SLC16A12: variants seen among roughly 807,000 people sequenced by gnomAD.
SLC16A12 encodes solute carrier family 16 member 12.
A neutral mutation model predicts 42.4 loss-of-function variants in SLC16A12; 17 were observed. That is an observed-to-expected ratio of 0.40 (90% CI 0.27 to 0.60). The LOEUF is 0.60. Ranked by LOEUF, SLC16A12 falls within the 20% of genes least tolerant of loss-of-function variation. The probability of loss-of-function intolerance (pLI) is 0.42; values close to 1 mark genes in which losing one functional copy is unlikely to be tolerated. For synonymous variants in SLC16A12, 224 were observed against 229.4 expected, an observed-to-expected ratio of 0.98 and a Z score of 0.21; for missense variants, 544 against 623.0, an observed-to-expected ratio of 0.87 and a Z score of 1.35.
intron 2 of SLC16A12, among the ~76,000 whole-genome samples, chr10:89,542,194 A>G (rs1047012557): frequency 6.6e-6 from 1 of 152,222 alleles, no homozygotes; most frequent in Admixed American, 6.5e-5. Context: ...TTTTACAAAA[A>G]TATTCAATTT....
Position 89,554,145 on chromosome 10 carries a change from A to T in SLC16A12, c.-47+1737T>A, listed in dbSNP as rs113643892. Among the ~76,000 whole-genome samples, 14 of 136,060 alleles carry T rather than the reference A, an allele frequency of 1.0e-4. 1 individual carries two copies. The highest frequency in any genetic ancestry group is 4.1e-4 in the African/African-American group (11 of 26,782). The allele number at this position is 136,060 out of a possible 152,430, so 89.3% of individuals were successfully genotyped here. ...GAAGGAAGGAAGGAAGGAAGGAAGG[A>T]AAGAAAGAAAGAAAATGGGAAAGTT... On this transcript the variant is annotated intron_variant, in intron 2 of 2. Coordinates refer to the SLC16A12 transcript ENST00000475682.
intron 2 of SLC16A12, among the ~76,000 whole-genome samples, chr10:89,521,605 T>C (rs1381588239): frequency 6.6e-6 from 1 of 152,124 alleles, no homozygotes; most frequent in East Asian, 1.9e-4. Context: ...CCACATGTCA[T>C]AACAAAGCTC....
rs1314232737 is a variant in SLC16A12, at chr10:89,435,909, TG to T, written c.1288+150del. ...TAAAACAAGGATGTAGGTGGGACCA[TG>T]ATGGTTTTGGGGGCTCTTATATCCC... On this transcript the variant is annotated intron_variant, in intron 7 of 7. Coordinates refer to ENST00000371790, the MANE Select transcript of SLC16A12 (RefSeq NM_213606.4). 3.7e-6 allele frequency: 4 copies of T among 1,091,886 alleles called. No homozygotes were observed. The African/African-American group carries it at 6.3e-5, about 17-fold the overall frequency. The allele number at this position is 1,091,886 out of a possible 1,614,324, so 67.6% of individuals were successfully genotyped here. A position where few individuals can be genotyped will look rare whatever the true frequency, so the allele number is the denominator to read the frequency against.
intron 2 of SLC16A12, among the ~76,000 whole-genome samples, chr10:89,525,990 C>A (rs1332539264): frequency 6.6e-6 from 1 of 152,082 alleles, no homozygotes; most frequent in Non-Finnish European, 1.5e-5. Flanking sequence ...AGGTAACCAC[C>A]CAAGTTTATC....
chr10:89,539,124 C>G (rs554443081), upstream of SLC16A12, among the ~76,000 whole-genome samples: 4 of 152,300 alleles, frequency 2.6e-5, no homozygotes, highest in East Asian at 7.7e-4. Flanking sequence ...TGCAAGTCTT[C>G]GTTGTAGTGG....
intron 2 of SLC16A12, among the ~76,000 whole-genome samples, chr10:89,512,953 T>C (rs1843187740): frequency 6.6e-6 from 1 of 152,158 alleles, no homozygotes; most frequent in Admixed American, 6.5e-5. Flanking sequence ...GTTTCAGAAC[T>C]GAGTTAAATT....
chr10:89,472,304 T>C (rs376228969), intron 2 of SLC16A12, among the ~76,000 whole-genome samples: 78,377 of 151,624 alleles, frequency 0.52, 20,579 homozygotes, highest in African/African-American at 0.55. Context: ...AATGTAATAA[T>C]AAAACAGCAA....
intron 3 of SLC16A12, among the ~76,000 whole-genome samples, chr10:89,447,199 G>A (rs564767925): frequency 6.6e-6 from 1 of 152,062 alleles, no homozygotes; most frequent in African/African-American, 2.4e-5. Context: ...ACAGATCAAC[G>A]AGACAGAAGG....
chr10:89,488,098 A>ATTT, intron 2 of SLC16A12, among the ~76,000 whole-genome samples: 1 of 150,764 alleles, frequency 6.6e-6, no homozygotes, highest in Non-Finnish European at 1.5e-5. Context: ...AAATCATGGA[A>ATTT]TACTACATAG....
intron 2 of SLC16A12, among the ~76,000 whole-genome samples, chr10:89,508,137 A>G (rs1240200503): frequency 1.3e-5 from 2 of 152,168 alleles, no homozygotes; most frequent in Non-Finnish European, 2.9e-5. Context: ...GGGAGACTTT[A>G]ACACCCCACT....
chr10:89,534,808 G>C (rs998875981), intron 1 of SLC16A12, among the ~76,000 whole-genome samples, 168 bp from the exon 2 acceptor site: 9 of 152,062 alleles, frequency 5.9e-5, no homozygotes, highest in Admixed American at 5.2e-4. Flanking sequence ...CAGCCTGGGC[G>C]ACAGAGCGAG....
chr10:89,514,545 C>T (rs1038588484), intron 2 of SLC16A12, among the ~76,000 whole-genome samples: 2 of 152,182 alleles, frequency 1.3e-5, no homozygotes, highest in African/African-American at 4.8e-5. Flanking sequence ...CATGGCCCTT[C>T]TCAGAGCATG....
In SLC16A12 at chr10:89,471,815, T is replaced by C. The variant is rs141662674; in HGVS notation, c.-46-9191A>G. Among the ~76,000 whole-genome samples the C allele has an allele frequency of 3.1e-3, 478 of 152,322 alleles. 4 individuals carry two copies. Among genetic ancestry groups the C allele is most frequent in the African/African-American group, 0.011 (451 of 41,572 alleles). On this transcript the variant is annotated intron_variant, in intron 2 of 7. Transcript: ENST00000371790. Reference sequence around the variant, plus strand: ...GTATTTATGGTGTGATTAATTTCAGTCATTCTAGTGATATCAAATGGTATC... The same window carrying C: ...GTATTTATGGTGTGATTAATTTCAGCCATTCTAGTGATATCAAATGGTATC...
At chr10:89,555,486 C>CGTATATATATGTGTATATAT in intron 2 of SLC16A12, among the ~76,000 whole-genome samples, 3 of 143,952 alleles carry the variant, frequency 2.1e-5, no homozygotes, top group South Asian at 4.3e-4. Flanking sequence ...TGTATATATA[C>CGTATATATATGTGTATATAT]GTATATATAC....
chr10:89,438,223 G>GA (rs1841836452), intron 6 of SLC16A12, among the ~76,000 whole-genome samples: 1 of 152,148 alleles, frequency 6.6e-6, no homozygotes, highest in African/African-American at 2.4e-5. Context: ...AAAATGGTTG[G>GA]AAAAAATCAA....
rs569696065 is a variant in SLC16A12, at chr10:89,550,803, C to A, written c.-47+5079G>T. On this transcript the variant is annotated intron_variant, in intron 2 of 2. Transcript: ENST00000475682. ...CCTAGAAAGCTCTTCACTATTTTCG[C>A]AAAGTTCTCAGCTTAAATGTCACCT... Among the ~76,000 whole-genome samples, 3 of 152,288 alleles carry A rather than the reference C, an allele frequency of 2.0e-5. No homozygotes were observed. The East Asian group carries it at 5.8e-4, about 29-fold the overall frequency.
chr10:89,532,723 A>G (rs1048842361), intron 2 of SLC16A12, among the ~76,000 whole-genome samples: 1 of 152,260 alleles, frequency 6.6e-6, no homozygotes, highest in Non-Finnish European at 1.5e-5. Flanking sequence ...GTTAAAAACA[A>G]TAAACATGCC....
chr10:89,508,733 A>G (rs918228522), intron 2 of SLC16A12, among the ~76,000 whole-genome samples: 2 of 152,202 alleles, frequency 1.3e-5, no homozygotes, highest in Admixed American at 1.3e-4. Context: ...AAATCAGAGC[A>G]GAACTGAAAG....
At chr10:89,457,625 T>C (rs142033360) in intron 3 of SLC16A12, among the ~76,000 whole-genome samples, 1 of 152,290 alleles carries the variant, frequency 6.6e-6, no homozygotes, top group East Asian at 1.9e-4. Flanking sequence ...CTTTTTTTTA[T>C]AATCTTTATT....
Sources: gnomAD v4.1 joint callset for allele counts (sites outside exome capture counted in the v4.1 genomes callset) on GRCh38, gnomAD v4.1.1 for gene constraint, MANE v1.5 for transcripts, NCBI Gene and HGNC (gene_info 2026-07-23, HGNC 2026-07-21) for gene names.